ESCO2: variants seen among roughly 807,000 people sequenced by gnomAD.
The protein encoded by ESCO2 is establishment of sister chromatid cohesion N-acetyltransferase 2.
In ESCO2, 51 loss-of-function variants were observed where a neutral mutation model predicts 61.7. That is an observed-to-expected ratio of 0.83 (90% confidence interval 0.66 to 1.04). The LOEUF (loss-of-function observed/expected upper bound fraction) is 1.04. Among genes scored for constraint, ESCO2 ranks in the 50% least tolerant of loss-of-function variants. ESCO2 has a pLI of 0.00. For synonymous variants in ESCO2, 230 were observed against 238.2 expected (o/e 0.97, Z 0.32); for missense variants, 692 against 686.2 (o/e 1.01, Z -0.09).
upstream of ESCO2, chr8:27,772,739 G>T: frequency 1.7e-6 from 1 of 579,768 alleles, no homozygotes; most frequent in Non-Finnish European, 3.1e-6. Flanking sequence ...CAAGGAGTTT[G>T]GTTCAGTGAT....
downstream of ESCO2, among the ~76,000 whole-genome samples, chr8:27,808,575 A>C (rs372474642): frequency 2.0e-5 from 3 of 149,082 alleles, no homozygotes; most frequent in East Asian, 4.1e-4. Flanking sequence ...AGCTACTCGG[A>C]GTGGGAGGCA....
At chr8:27,778,225 A>T (rs894027667) in intron 3 of ESCO2, 3 of 152,006 alleles carry the variant, frequency 2.0e-5, no homozygotes, top group African/African-American at 7.3e-5. Flanking sequence ...TCTCTAAGTC[A>T]GTGTATATCT....
intron 9 of ESCO2, among the ~76,000 whole-genome samples, chr8:27,794,524 T>C (rs934603218): frequency 1.3e-5 from 2 of 152,196 alleles, no homozygotes; most frequent in African/African-American, 4.8e-5. Flanking sequence ...AAATTTTTTT[T>C]CCAATCAGTA....
At chr8:27,796,503 A>G (rs1489652653) in intron 9 of ESCO2, among the ~76,000 whole-genome samples, 1 of 152,050 alleles carries the variant, frequency 6.6e-6, no homozygotes, top group Non-Finnish European at 1.5e-5. Context: ...ACGTTAGGCT[A>G]CTTGAGATCT....
At chr8:27,811,368 A>G, downstream of ESCO2, 1 of 588,700 alleles carries the variant, frequency 1.7e-6, no homozygotes, top group South Asian at 2.0e-5. Context: ...ATTCTCTTAC[A>G]AATTAGTAGG....
chr8:27,783,964 T>TG (rs1194673593), intron 4 of ESCO2, 36 bp from the exon 5 acceptor site: 19 of 1,532,664 alleles, frequency 1.2e-5, no homozygotes, highest in Non-Finnish European at 1.4e-5. Context: ...TGATTTTATT[T>TG]GGTAATACAC....
At chr8:27,780,693 C>T (rs563552332) in intron 4 of ESCO2, among the ~76,000 whole-genome samples, 1 of 152,292 alleles carries the variant, frequency 6.6e-6, no homozygotes, top group East Asian at 1.9e-4. Flanking sequence ...CATCAAGAAC[C>T]ATGGATTTTT....
At chr8:27,776,291 T>C in intron 2 of ESCO2, 71 bp from the exon 3 acceptor site, 1 of 1,284,140 alleles carries the variant, frequency 7.8e-7, no homozygotes, top group South Asian at 1.3e-5. Flanking sequence ...AAGTAGAGCT[T>C]ACTTAGCAGT....
intron 10 of ESCO2, among the ~76,000 whole-genome samples, chr8:27,801,342 G>A (rs1225173167): frequency 6.6e-6 from 1 of 152,088 alleles, no homozygotes; most frequent in African/African-American, 2.4e-5. Flanking sequence ...ACCACACTTT[G>A]GAATAGTGTT....
intron 9 of ESCO2, among the ~76,000 whole-genome samples, chr8:27,797,815 C>T (rs546731898): frequency 1.3e-5 from 2 of 152,300 alleles, no homozygotes; most frequent in African/African-American, 2.4e-5. Context: ...AAAAGCTCTG[C>T]ACTTTTTTTC....
rs1804801269 is a variant in ESCO2, at chr8:27,776,745, C to G, written c.437C>G (p.Ala146Gly). Reference sequence around the variant, plus strand: ...AAAAAACCACAGAAGAGTTTAACTGCTAAGTATCAACCAAAGTATAGACAC... The same window carrying G: ...AAAAAACCACAGAAGAGTTTAACTGGTAAGTATCAACCAAAGTATAGACAC... Reference protein sequence around the residue: ...NNKKPQKSLTAKYQPKYRHIK... With the variant: ...NNKKPQKSLTGKYQPKYRHIK... Residue 146 changes from alanine to glycine, a missense_variant, in exon 3 of 11, where the codon GCT becomes GGT. Transcript: ENST00000305188. 6.2e-7 allele frequency: 1 copy of G among 1,613,758 alleles called. No homozygotes were observed. The highest frequency in any genetic ancestry group is 1.3e-5 in the African/African-American group (1 of 74,922).
chr8:27,789,160 C>T (rs938924620), intron 7 of ESCO2, among the ~76,000 whole-genome samples, 182 bp downstream of exon 7: 1 of 152,082 alleles, frequency 6.6e-6, no homozygotes, highest in African/African-American at 2.4e-5. Context: ...CTGAACAGTC[C>T]AGATATACAA....
chr8:27,792,683 G>A lies in ESCO2; in HGVS notation c.1369G>A (p.Glu457Lys). The A allele has an allele frequency of 6.2e-7, 1 of 1,612,470 alleles. No individual in the cohort carries two copies. Among genetic ancestry groups the A allele is most frequent in the South Asian group, 1.1e-5 (1 of 90,694 alleles). The change falls in exon 9 of 11, where the codon GAA (glutamate) becomes AAA (lysine). Residue 457 changes from glutamate (E) to lysine (K), a missense_variant. Glu to Lys is a moderately conservative substitution (Grantham distance 56, BLOSUM62 1). Transcript: ENST00000305188. ...FAIKKVEDVQ[E>K]LVDNELGFQQ... ...AAATCATTAGGTAGAAGATGTCCAAGAACTTGTTGATAATGAATTGGGCTT... is the reference window on the plus strand; with the variant it reads ...AAATCATTAGGTAGAAGATGTCCAAAAACTTGTTGATAATGAATTGGGCTT...
the ESCO2 span, among the ~76,000 whole-genome samples, chr8:27,819,265 A>T: frequency 6.6e-6 from 1 of 152,110 alleles, no homozygotes. Context: ...TAGGCTATCA[A>T]ATTCATTCAT....
At chr8:27,787,123 C>T (rs1158278773) in intron 5 of ESCO2, among the ~76,000 whole-genome samples, 1 of 152,066 alleles carries the variant, frequency 6.6e-6, no homozygotes, top group Non-Finnish European at 1.5e-5. Context: ...TGGAAATACA[C>T]ATTTTTAAGT....
intron 3 of ESCO2, chr8:27,779,424 A>G (rs890384907): frequency 6.6e-6 from 1 of 152,174 alleles, no homozygotes; most frequent in African/African-American, 2.4e-5. Flanking sequence ...ATTTTTTTCT[A>G]CTTTGCTTTT....
At chr8:27,779,212 C>T (rs35683471) in intron 3 of ESCO2, 39,887 of 152,178 alleles carry the variant, frequency 0.26, 6,227 homozygotes, top group Middle Eastern at 0.36. Context: ...CGCGCCTGGC[C>T]GGTGAATCTG....
rs200832433 is a variant in ESCO2 at position 27,798,529 on chromosome 8, AAAAC to A, written c.1498-1008_1498-1005del. 3.9e-3 allele frequency among the ~76,000 whole-genome samples: 587 copies of A among 152,308 alleles called. 5 individuals are homozygous for A. The highest frequency in any genetic ancestry group is 0.014 in the African/African-American group (566 of 41,548). On this transcript the variant is annotated intron_variant, in intron 9 of 10. Transcript: ENST00000305188. ...CCATTGTTCTCCTGGGCATTTAAGT[AAAAC>A]AAAGGAAAACTGATGTACACACAAA... is the stretch of plus-strand genomic sequence containing the variant.
downstream of ESCO2, chr8:27,811,176 C>G: frequency 6.3e-7 from 1 of 1,596,616 alleles, no homozygotes; most frequent in African/African-American, 1.3e-5. Flanking sequence ...AGCTACAAAT[C>G]ACGAAAAGGC....
Sources: allele counts gnomAD v4.1 joint callset (sites outside exome capture counted in the v4.1 genomes callset), GRCh38; gene constraint gnomAD v4.1.1; transcripts MANE v1.5; gene names NCBI Gene and HGNC (gene_info 2026-07-23, HGNC 2026-07-21).